The following MAPK10 variants were observed in gnomAD, a reference collection of about 807,000 sequenced individuals.
The protein encoded by MAPK10 is JNK3 alpha protein kinase.
A neutral mutation model predicts 59.3 loss-of-function variants in MAPK10; 25 were observed. The ratio of observed to expected loss-of-function variants is 0.42; its 90% CI spans 0.31 to 0.59. The LOEUF is 0.59. MAPK10 is among the 20% of genes least tolerant of loss of function. MAPK10 has a pLI of 0.15. For synonymous variants in MAPK10, 190 were observed against 200.5 expected (o/e 0.95, Z 0.44); for missense variants, 351 against 568.9 (o/e 0.62, Z 3.90).
intron 4 of MAPK10, among the ~76,000 whole-genome samples, chr4:86,151,048 GAGA>G (rs1466984471): frequency 6.6e-6 from 1 of 152,126 alleles, no homozygotes; most frequent in Non-Finnish European, 1.5e-5. Context: ...ATAGGCAGGG[GAGA>G]AGAAGCATCA....
intron 1 of MAPK10, among the ~76,000 whole-genome samples, chr4:86,446,735 T>G (rs568767368): frequency 6.6e-6 from 1 of 152,290 alleles, no homozygotes; most frequent in South Asian, 2.1e-4. Context: ...TACTGATACT[T>G]CTGTCAAACT....
chr4:86,136,932 C>T lies in MAPK10; in HGVS notation c.236+22366G>A, dbSNP rs1165082851. 2.6e-5 allele frequency among the ~76,000 whole-genome samples: 4 copies of T among 152,098 alleles called. No individual in the cohort carries two copies. In the East Asian group the frequency reaches 7.7e-4, roughly 29 times the overall value. On this transcript the variant is annotated intron_variant, in intron 4 of 13. Coordinates refer to ENST00000641462, the MANE Select transcript of MAPK10 (RefSeq NM_138982.4). ...TTAAACCAACAAAGATGAAAAGAGA[C>T]AAAGAAGGCCATTACATAATGGTAA...
chr4:86,206,212 C>T (rs942757218), intron 2 of MAPK10, among the ~76,000 whole-genome samples: 2 of 151,554 alleles, frequency 1.3e-5, no homozygotes, highest in East Asian at 1.9e-4. Flanking sequence ...CACCTCGCAA[C>T]AGTCCCCAGA....
chr4:86,029,116 T>C (rs1345831504), intron 13 of MAPK10, 81 bp downstream of exon 13: 1 of 855,402 alleles, frequency 1.2e-6, no homozygotes, highest in African/African-American at 1.7e-5. Flanking sequence ...AGCAATGTTA[T>C]GTTATTTCTT....
At chr4:86,361,148 C>A (rs1056510445), upstream of MAPK10, among the ~76,000 whole-genome samples, 4 of 152,146 alleles carry the variant, frequency 2.6e-5, no homozygotes, top group Non-Finnish European at 5.9e-5. Flanking sequence ...GCAAGAGATG[C>A]AAACTCAGCA....
At chr4:86,135,423 G>A (rs2061821335) in intron 4 of MAPK10, among the ~76,000 whole-genome samples, 1 of 152,170 alleles carries the variant, frequency 6.6e-6, no homozygotes, top group South Asian at 2.1e-4. Flanking sequence ...CCCAGCAGGG[G>A]CACACTGAAA....
At chr4:86,500,408 G>A (rs17452827) in intron 1 of MAPK10, among the ~76,000 whole-genome samples, 2,215 of 152,172 alleles carry the variant, frequency 0.015, 31 homozygotes, top group Middle Eastern at 0.027. Context: ...ATAAGTTTGC[G>A]TACTGTGTGG....
At chr4:86,210,505 T>G (rs925521297) in intron 2 of MAPK10, among the ~76,000 whole-genome samples, 3 of 151,968 alleles carry the variant, frequency 2.0e-5, no homozygotes, top group African/African-American at 7.2e-5. Flanking sequence ...CTAAAAGTAT[T>G]TATAATTGCT....
At chr4:86,329,536 A>G (rs1045949018) in intron 2 of MAPK10, among the ~76,000 whole-genome samples, 13 of 152,188 alleles carry the variant, frequency 8.5e-5, no homozygotes, top group Non-Finnish European at 1.5e-4. Context: ...GCAGCTTTTT[A>G]TTATGGGCAA....
chr4:86,347,643 G>T (rs964132901), intron 2 of MAPK10, among the ~76,000 whole-genome samples: 1 of 152,136 alleles, frequency 6.6e-6, no homozygotes, highest in African/African-American at 2.4e-5. Flanking sequence ...CTGGAGGCTG[G>T]TAAGTCCAAG....
intron 1 of MAPK10, among the ~76,000 whole-genome samples, chr4:86,470,686 A>T (rs998645076): frequency 3.4e-4 from 51 of 151,856 alleles, no homozygotes; most frequent in Middle Eastern, 3.4e-3. Flanking sequence ...CTCCCTTTGC[A>T]GCCAAAGGGA....
At chr4:86,563,925 G>A (rs1760871258) in intron 1 of MAPK10, among the ~76,000 whole-genome samples, 1 of 152,114 alleles carries the variant, frequency 6.6e-6, no homozygotes, top group Non-Finnish European at 1.5e-5. Context: ...TCCACCTTCC[G>A]TATTCAAGCG....
At position 86,010,780 on chromosome 4, in the gene MAPK10, T is replaced by C. The variant is rs368450750; in HGVS notation, c.*6448A>G. ...ACCAGGATGGGTTCACAAGTGTTAA[T>C]GGAAGGCGAATTATGTGTGGGACAG... On this transcript the variant is annotated 3_prime_UTR_variant, in exon 14 of 14. Coordinates refer to ENST00000641462, the MANE Select transcript of MAPK10 (RefSeq NM_138982.4). The C allele has an allele frequency of 6.6e-6, 1 of 152,366 alleles. No homozygotes were observed. Among genetic ancestry groups the C allele is most frequent in the East Asian group, 1.9e-4 (1 of 5,186 alleles). The allele number at this position is 152,366 out of a possible 1,614,324, so 9.4% of individuals were successfully genotyped here.
At chr4:86,156,812 G>A (rs1451926651) in intron 4 of MAPK10, among the ~76,000 whole-genome samples, 1 of 151,960 alleles carries the variant, frequency 6.6e-6, no homozygotes, top group Non-Finnish European at 1.5e-5. Context: ...TGTTCTGAAT[G>A]AGTTGCTCTT....
chr4:86,234,613 T>A (rs2092013284), intron 2 of MAPK10, among the ~76,000 whole-genome samples: 1 of 152,138 alleles, frequency 6.6e-6, no homozygotes, highest in South Asian at 2.1e-4. Flanking sequence ...TAAGAGAATT[T>A]GTTTTCTTCT....
chr4:86,344,671 G>C (rs1032735018), intron 2 of MAPK10, among the ~76,000 whole-genome samples: 9 of 151,956 alleles, frequency 5.9e-5, no homozygotes, highest in Non-Finnish European at 1.3e-4. Flanking sequence ...AGGGGAGGGA[G>C]GAAGGAACTG....
At chr4:86,048,213 G>A (rs959847126) in intron 11 of MAPK10, among the ~76,000 whole-genome samples, 4 of 152,062 alleles carry the variant, frequency 2.6e-5, no homozygotes, top group South Asian at 4.2e-4. Flanking sequence ...CTCTGCACTC[G>A]GTAGATAAAA....
chr4:86,427,049 A>C (rs917998074), intron 1 of MAPK10, among the ~76,000 whole-genome samples: 37 of 152,064 alleles, frequency 2.4e-4, no homozygotes, highest in South Asian at 1.2e-3. Context: ...CGAGGTCAAG[A>C]GATCGAGACC....
intron 9 of MAPK10, chr4:86,081,380 C>G (rs542828652): frequency 2.9e-4 from 44 of 151,956 alleles, no homozygotes; most frequent in African/African-American, 8.9e-4. Flanking sequence ...AGATTGCCAA[C>G]TTCTAAAACT....
Sources: gnomAD v4.1 joint callset for allele counts (sites outside exome capture counted in the v4.1 genomes callset) on GRCh38, gnomAD v4.1.1 for gene constraint, MANE v1.5 for transcripts, NCBI Gene and HGNC (gene_info 2026-07-23, HGNC 2026-07-21) for gene names.